The following LOXL2 variants were observed in gnomAD, a reference collection of about 807,000 sequenced individuals.
LOXL2 encodes the protein lysyl oxidase homolog 2.
LOXL2 carries 70 observed loss-of-function variants against 93.0 expected under a neutral mutation model. The observed-to-expected ratio is 0.75, with a 90% CI of 0.62 to 0.92. The LOEUF is 0.92. LOXL2 is among the 40% of genes least tolerant of loss of function. The probability of loss-of-function intolerance (pLI) is 0.00; values close to 1 mark genes in which losing one functional copy is unlikely to be tolerated. For synonymous variants in LOXL2, 438 were observed against 413.2 expected (o/e 1.06, Z -0.73); for missense variants, 973 against 1,054.9 (o/e 0.92, Z 1.08).
intron 1 of LOXL2, among the ~76,000 whole-genome samples, chr8:23,398,701 C>G: frequency 6.6e-6 from 1 of 152,154 alleles, no homozygotes; most frequent in Non-Finnish European, 1.5e-5. Context: ...GTTTTTGAGA[C>G]AGGGTCTCAC....
intron 9 of LOXL2, among the ~76,000 whole-genome samples, chr8:23,316,086 C>T (rs893677176): frequency 3.3e-5 from 5 of 152,154 alleles, no homozygotes; most frequent in African/African-American, 1.2e-4. Context: ...CTAGGAGATG[C>T]TAGTGAGTCT....
intron 1 of LOXL2, among the ~76,000 whole-genome samples, chr8:23,394,620 G>A (rs1220722774): frequency 2.0e-5 from 3 of 152,036 alleles, no homozygotes; most frequent in African/African-American, 7.2e-5. Context: ...CCAAAGATGT[G>A]GAGAAATTAG....
intron 3 of LOXL2, among the ~76,000 whole-genome samples, chr8:23,357,068 G>GTCT (rs144653538): frequency 0.026 from 4,018 of 151,676 alleles, 161 homozygotes; most frequent in African/African-American, 0.093. Context: ...TTTTTTTTCA[G>GTCT]TCTTCTTTTT....
chr8:23,307,953 G>GAAAAAAAAAAA (rs1554475672), intron 10 of LOXL2, among the ~76,000 whole-genome samples: 10 of 83,552 alleles, frequency 1.2e-4, no homozygotes, highest in East Asian at 9.2e-4. Context: ...GCTGCGATAT[G>GAAAAAAAAAAA]AAAAAAAAAA....
chr8:23,390,004 G>A (rs918836319), intron 1 of LOXL2, among the ~76,000 whole-genome samples: 11 of 152,158 alleles, frequency 7.2e-5, no homozygotes, highest in South Asian at 4.1e-4. Flanking sequence ...CCCAGAGCTC[G>A]GCTGAATTTC....
chr8:23,355,401 G>A (rs1804178313), intron 3 of LOXL2, among the ~76,000 whole-genome samples: 1 of 151,616 alleles, frequency 6.6e-6, no homozygotes, highest in African/African-American at 2.4e-5. Context: ...CTTTCCTCTG[G>A]TGACCTGGTT....
intron 10 of LOXL2, among the ~76,000 whole-genome samples, chr8:23,304,420 C>A (rs3808526): frequency 6.6e-6 from 1 of 152,006 alleles, no homozygotes; most frequent in African/African-American, 2.4e-5. Flanking sequence ...TGTCTTAGCC[C>A]GATCCCAACC....
At chr8:23,369,085 AGGAGCGGGTCTGAAG>A (rs1402199852) in intron 1 of LOXL2, among the ~76,000 whole-genome samples, 2 of 152,172 alleles carry the variant, frequency 1.3e-5, no homozygotes, top group Non-Finnish European at 1.5e-5. Flanking sequence ...CCGGTGGAGA[AGGAGCGGGTCTGAAG>A]GGGTGAGGGC....
chr8:23,343,456 G>C (rs761797346), intron 3 of LOXL2, among the ~76,000 whole-genome samples: 2 of 152,224 alleles, frequency 1.3e-5, no homozygotes, highest in African/African-American at 4.8e-5. Context: ...GGGAGGTGGG[G>C]CTGGTCCAAG....
At chr8:23,397,300 G>C (rs1218291356) in intron 1 of LOXL2, among the ~76,000 whole-genome samples, 3 of 152,172 alleles carry the variant, frequency 2.0e-5, no homozygotes, top group African/African-American at 2.4e-5. Context: ...GCACAGCAGT[G>C]TCAACACACT....
At chr8:23,338,328 G>T (rs1371418461) in intron 4 of LOXL2, among the ~76,000 whole-genome samples, 1 of 152,070 alleles carries the variant, frequency 6.6e-6, no homozygotes, top group Admixed American at 6.5e-5. Context: ...AAGAGCTGCA[G>T]TTGGTGGCCA....
At chr8:23,322,980 T>C (rs1374657345) in intron 6 of LOXL2, among the ~76,000 whole-genome samples, 2 of 152,204 alleles carry the variant, frequency 1.3e-5, no homozygotes, top group Non-Finnish European at 2.9e-5. Flanking sequence ...CAACAGGTGC[T>C]CTGGGGCTTA....
At chr8:23,399,788 G>A (rs1036609717) in intron 1 of LOXL2, among the ~76,000 whole-genome samples, 3 of 152,234 alleles carry the variant, frequency 2.0e-5, no homozygotes, top group Non-Finnish European at 4.4e-5. Context: ...TCATGCTTGT[G>A]CAACTGCAGC....
intron 5 of LOXL2, chr8:23,328,874 A>T (rs931257778): frequency 3.3e-6 from 1 of 303,184 alleles, no homozygotes; most frequent in African/African-American, 2.1e-5. Flanking sequence ...TCGATCACTC[A>T]TCACCCCAAC....
At chr8:23,367,928 G>C (rs946658247) in intron 2 of LOXL2, 69 bp downstream of exon 2, 6 of 1,294,972 alleles carry the variant, frequency 4.6e-6, no homozygotes, top group African/African-American at 1.5e-5. Context: ...CTCCCAGGCT[G>C]ACCTCAGGGA....
At chr8:23,403,748 G>A (rs1035084583) in intron 1 of LOXL2, among the ~76,000 whole-genome samples, 2 of 152,082 alleles carry the variant, frequency 1.3e-5, no homozygotes, top group African/African-American at 4.8e-5. Flanking sequence ...CCCGTACGAG[G>A]TGGGGTTGGG....
chr8:23,385,132 C>T (rs56276869), intron 1 of LOXL2, among the ~76,000 whole-genome samples: 22,274 of 148,732 alleles, frequency 0.15, 1,634 homozygotes, highest in East Asian at 0.22. Context: ...CCACTCCCTG[C>T]GCCCCCGTCC....
At chr8:23,351,928 C>T (rs1472547412) in intron 3 of LOXL2, among the ~76,000 whole-genome samples, 1 of 152,114 alleles carries the variant, frequency 6.6e-6, no homozygotes, top group Non-Finnish European at 1.5e-5. Context: ...TGGGTTCAAG[C>T]GATTCTCGAG....
intron 12 of LOXL2, among the ~76,000 whole-genome samples, chr8:23,300,343 C>T (rs1803109477): frequency 6.6e-6 from 1 of 152,242 alleles, no homozygotes; most frequent in African/African-American, 2.4e-5. Flanking sequence ...GTCTGTGAAT[C>T]TAGGAAATGA....
Sources: gnomAD v4.1 joint callset for allele counts (sites outside exome capture counted in the v4.1 genomes callset) on GRCh38, gnomAD v4.1.1 for gene constraint, MANE v1.5 for transcripts, NCBI Gene and HGNC (gene_info 2026-07-23, HGNC 2026-07-21) for gene names.